ZNF525: variants seen among roughly 807,000 people sequenced by gnomAD.
ZNF525 encodes the protein zinc finger protein 525.
In ZNF525, 33 loss-of-function variants were observed where a neutral mutation model predicts 37.6. The observed-to-expected ratio is 0.88, with a 90% CI of 0.67 to 1.17. The LOEUF (loss-of-function observed/expected upper bound fraction) is 1.17. Ranked by LOEUF, ZNF525 falls within the 50% of genes most tolerant of loss-of-function variation. The probability of loss-of-function intolerance (pLI) is 0.00; values close to 1 mark genes in which losing one functional copy is unlikely to be tolerated. For missense variants in ZNF525, 449 were observed against 543.1 expected, an observed-to-expected ratio of 0.83 and a Z score of 1.72; for synonymous variants, 170 against 182.3, an observed-to-expected ratio of 0.93 and a Z score of 0.54.
rs2085569841 is a variant in ZNF525 at position 53,382,036 on chromosome 19, A to G, written c.*17A>G. 1 of 1,332,668 alleles carries G rather than the reference A, an allele frequency of 7.5e-7. No individual in the cohort carries two copies. The highest frequency in any genetic ancestry group is 1.5e-5 in the African/African-American group (1 of 68,412). The allele number at this position is 1,332,668 out of a possible 1,614,324, so 82.6% of individuals were successfully genotyped here. On this transcript the variant is annotated 3_prime_UTR_variant, in exon 4 of 4. Transcript: ENST00000474037. ...TTCAAATAAAATCTTGAAATACGTC[A>G]GAAAATTCATACTGGAGAGAAATGT...
chr19:53,373,086 T>G (rs2085498532), intron 2 of ZNF525, among the ~76,000 whole-genome samples: 1 of 152,062 alleles, frequency 6.6e-6, no homozygotes, highest in Admixed American at 6.6e-5. Context: ...ATTATGATAT[T>G]CTGATAATAT....
At chr19:53,375,386 A>AC (rs1201505852) in intron 2 of ZNF525, among the ~76,000 whole-genome samples, 2 of 152,166 alleles carry the variant, frequency 1.3e-5, no homozygotes, top group African/African-American at 4.8e-5. Flanking sequence ...GGAGTCTGAG[A>AC]CAAACCTGGC....
chr19:53,372,370 C>T, intron 2 of ZNF525, 74 bp downstream of exon 2: 2 of 747,432 alleles, frequency 2.7e-6, no homozygotes, highest in East Asian at 2.4e-5. Context: ...TGGGAATCTT[C>T]TAAGTCTGAA....
chr19:53,368,949 T>A (rs981900528), intron 1 of ZNF525, among the ~76,000 whole-genome samples: 3 of 152,180 alleles, frequency 2.0e-5, no homozygotes, highest in African/African-American at 7.2e-5. Flanking sequence ...AGAATCTTTT[T>A]CTGGGGTCTC....
At chr19:53,366,127 C>T (rs61187047) in intron 1 of ZNF525, among the ~76,000 whole-genome samples, 3,336 of 151,684 alleles carry the variant, frequency 0.022, 131 homozygotes, top group East Asian at 0.18. Flanking sequence ...AGCGCAGCGT[C>T]GCAGCTCCGG....
intron 3 of ZNF525, 148 bp downstream of exon 3, chr19:53,376,044 C>T: frequency 6.6e-7 from 1 of 1,523,864 alleles, no homozygotes; most frequent in Non-Finnish European, 8.9e-7. Context: ...AATTCCTGGG[C>T]TCAAGTGATT....
intron 3 of ZNF525, among the ~76,000 whole-genome samples, chr19:53,378,817 AG>A (rs1484654612): frequency 6.6e-6 from 1 of 152,238 alleles, no homozygotes; most frequent in African/African-American, 2.4e-5. Flanking sequence ...CCCCATCTGC[AG>A]GAACATCCTA....
chr19:53,380,478 T>TA lies in ZNF525; in HGVS notation c.143-243dup, dbSNP rs1416352683. Among the ~76,000 whole-genome samples, 4 of 152,324 alleles carry TA rather than the reference T, an allele frequency of 2.6e-5. No individual in the cohort carries two copies. The East Asian group carries it at 7.7e-4, about 29-fold the overall frequency. On this transcript the variant is annotated intron_variant, in intron 3 of 3. Transcript: ENST00000474037. ...CAGTGATATGTCTTTTGCAAACTGT[T>TA]AGACACTTTAGGGTCACAGTGGAAA...
Position 53,386,554 on chromosome 19 carries a change from C to T in ZNF525, c.*4535C>T. ...TATAAACGCATTGGTTGGCTGTGTT[C>T]AGTAATAAACGTGAGACTTTTCATT... On this transcript the variant is annotated 3_prime_UTR_variant, in exon 4 of 4. Coordinates refer to ENST00000474037, the MANE Select transcript of ZNF525 (RefSeq NM_001348156.2). 1 of 467,038 alleles carries T rather than the reference C, an allele frequency of 2.1e-6. No homozygotes were observed. The highest frequency in any genetic ancestry group is 2.1e-5 in the South Asian group (1 of 46,716). The allele number at this position is 467,038 out of a possible 1,614,324, so 28.9% of individuals were successfully genotyped here.
Position 53,380,862 on chromosome 19 carries a change from C to G in ZNF525, c.283C>G (p.His95Asp). 1 of 1,463,508 alleles carries G rather than the reference C, an allele frequency of 6.8e-7. No homozygotes were observed. The highest frequency in any genetic ancestry group is 9.6e-7 in the Non-Finnish European group (1 of 1,042,930). 90.7% of individuals were successfully genotyped at this position (1,463,508 alleles called of 1,614,324 possible). A position where few individuals can be genotyped will look rare whatever the true frequency, so the allele number is the denominator to read the frequency against. Residue 95 changes from histidine (H) to aspartate (D), a missense_variant, in exon 4 of 4, where the codon CAT becomes GAT. His to Asp is a moderately conservative substitution (Grantham distance 81). Coordinates refer to ENST00000474037, the MANE Select transcript of ZNF525 (RefSeq NM_001348156.2). ...CTTCCAGGAAATTGAGAAAGATATT[C>G]ATAACTTTGAGTTTCAGTGGCAAGA... ...FSFQEIEKDI[H>D]NFEFQWQEDE...
intron 1 of ZNF525, among the ~76,000 whole-genome samples, chr19:53,368,522 C>T (rs1303706416): frequency 1.3e-5 from 2 of 152,102 alleles, no homozygotes; most frequent in African/African-American, 2.4e-5. Flanking sequence ...GTGGCATTAA[C>T]GCTTTTGCTT....
intron 2 of ZNF525, among the ~76,000 whole-genome samples, chr19:53,375,382 T>G (rs1327247203): frequency 6.6e-6 from 1 of 152,120 alleles, no homozygotes; most frequent in Non-Finnish European, 1.5e-5. Context: ...GTCAGGAGTC[T>G]GAGACAAACC....
chr19:53,372,071 G>A, intron 1 of ZNF525, 144 bp from the exon 2 acceptor site: 1 of 433,420 alleles, frequency 2.3e-6, no homozygotes. Context: ...TCCTGTAGGA[G>A]TTTATTGTAC....
chr19:53,366,635 A>AG (rs1213097740), intron 1 of ZNF525, among the ~76,000 whole-genome samples: 1 of 151,520 alleles, frequency 6.6e-6, no homozygotes, highest in Non-Finnish European at 1.5e-5. Flanking sequence ...ACAGCAAGGT[A>AG]GGGAGAGGGA....
chr19:53,368,507 A>G (rs1277354518), intron 1 of ZNF525, among the ~76,000 whole-genome samples: 1 of 152,194 alleles, frequency 6.6e-6, no homozygotes, highest in African/African-American at 2.4e-5. Flanking sequence ...GAGTTAAATT[A>G]TCTTGTGGCA....
At chr19:53,369,765 C>G (rs1268914673) in intron 1 of ZNF525, among the ~76,000 whole-genome samples, 1 of 119,114 alleles carries the variant, frequency 8.4e-6, no homozygotes, top group East Asian at 2.4e-4. Context: ...CTCGCTGTCA[C>G]CCAGGCTGGA....
At chr19:53,367,056 AC>A (rs1476989381) in intron 1 of ZNF525, among the ~76,000 whole-genome samples, 4 of 152,300 alleles carry the variant, frequency 2.6e-5, no homozygotes, top group Non-Finnish European at 5.9e-5. Flanking sequence ...GCATAGCATA[AC>A]TTGTGTCCTT....
At chr19:53,370,730 A>G (rs1228436819) in intron 1 of ZNF525, among the ~76,000 whole-genome samples, 1 of 152,236 alleles carries the variant, frequency 6.6e-6, no homozygotes, top group East Asian at 1.9e-4. Flanking sequence ...ACAGAGTTGC[A>G]GACTCAGACA....
rs987439827 is a variant in ZNF525, at chr19:53,381,039, T to C, written c.460T>C (p.Phe154Leu). Residue 154 changes from phenylalanine (F) to leucine (L), a missense_variant, in exon 4 of 4, where the codon TTT becomes CTT. Phe to Leu is a conservative substitution (Grantham distance 22, BLOSUM62 0). Around this residue, in one of 2 missense-constraint regions of ZNF525, gnomAD observed 271 missense variants for 381.6 expected, o/e 0.71. Coordinates refer to ENST00000474037, the MANE Select transcript of ZNF525 (RefSeq NM_001348156.2). ...FHSHLSELHI[F>L]QPKGKINNQV... is the part of the protein sequence containing the mutation. ...TTCACATCTGTCTGAACTCCACATA[T>C]TTCAGCCCAAAGGGAAAATTAATAA... The C allele has an allele frequency of 6.4e-7, 1 of 1,553,838 alleles. No individual in the cohort carries two copies. Among genetic ancestry groups the C allele is most frequent in the Non-Finnish European group, 8.9e-7 (1 of 1,125,080 alleles).
Sources: allele counts gnomAD v4.1 joint callset (sites outside exome capture counted in the v4.1 genomes callset), GRCh38; gene constraint gnomAD v4.1.1; regional missense constraint gnomAD v4.1.1; transcripts MANE v1.5; gene names NCBI Gene and HGNC (gene_info 2026-07-23, HGNC 2026-07-21).